Variants in PDE8B observed in about 807,000 individuals in gnomAD.
PDE8B encodes high affinity cAMP-specific and IBMX-insensitive 3',5'-cyclic phosphodiesterase 8B.
Under a neutral mutation model 101.3 loss-of-function variants are expected in PDE8B, and 26 were observed. The ratio of observed to expected loss-of-function variants is 0.26; its 90% CI spans 0.19 to 0.36. The LOEUF is 0.36. PDE8B is among the 10% of genes least tolerant of loss of function. PDE8B has a pLI of 1.00. For missense variants in PDE8B, 810 were observed against 1,163.1 expected, an observed-to-expected ratio of 0.70 and a Z score of 4.42; for synonymous variants, 424 against 429.3, an observed-to-expected ratio of 0.99 and a Z score of 0.15.
chr5:77,111,882 A>C, the PDE8B span: 2 of 152,020 alleles, frequency 1.3e-5, no homozygotes, highest in African/African-American at 4.8e-5. Flanking sequence ...CTAATAGGCT[A>C]TTTCTCTTTT....
intron 1 of PDE8B, chr5:77,291,513 G>A (rs1489607162): frequency 6.2e-7 from 1 of 1,607,788 alleles, no homozygotes; most frequent in African/African-American, 1.3e-5. Flanking sequence ...TGAAGAAGAG[G>A]TCTTTGCATG....
intron 10 of PDE8B, among the ~76,000 whole-genome samples, chr5:77,370,497 T>C (rs1223441617): frequency 6.6e-6 from 1 of 152,234 alleles, no homozygotes; most frequent in Non-Finnish European, 1.5e-5. Context: ...ATTTGGTTGC[T>C]TTTTACTGCT....
At chr5:77,297,838 G>A (rs1295709740) in intron 1 of PDE8B, among the ~76,000 whole-genome samples, 1 of 152,070 alleles carries the variant, frequency 6.6e-6, no homozygotes, top group Non-Finnish European at 1.5e-5. Context: ...GTCTTCACTT[G>A]GCTCATTCTC....
At chr5:77,283,698 A>G (rs1265239264) in intron 1 of PDE8B, among the ~76,000 whole-genome samples, 1 of 152,156 alleles carries the variant, frequency 6.6e-6, no homozygotes, top group Non-Finnish European at 1.5e-5. Flanking sequence ...GTAATATTCC[A>G]TCATTAGAAT....
chr5:77,395,414 C>T (rs1790841621), intron 10 of PDE8B, among the ~76,000 whole-genome samples: 2 of 145,816 alleles, frequency 1.4e-5, no homozygotes. Context: ...CGCGCCCGAC[C>T]TTCAGTTTCT....
intron 10 of PDE8B, among the ~76,000 whole-genome samples, chr5:77,372,394 T>C (rs2150691831): frequency 6.6e-6 from 1 of 152,346 alleles, no homozygotes; most frequent in African/African-American, 2.4e-5. Context: ...TTTTGGATAA[T>C]GTCTTCATCA....
At chr5:77,293,454 G>T (rs1767828655) in intron 1 of PDE8B, among the ~76,000 whole-genome samples, 1 of 152,120 alleles carries the variant, frequency 6.6e-6, no homozygotes, top group Non-Finnish European at 1.5e-5. Flanking sequence ...TTTAGTACTG[G>T]TTTTCCACCC....
chr5:77,414,630 C>A (rs1795176939), intron 17 of PDE8B, among the ~76,000 whole-genome samples: 1 of 150,856 alleles, frequency 6.6e-6, no homozygotes, highest in Admixed American at 6.6e-5. Context: ...CAGGGTTTCA[C>A]CATGTTGGCC....
At chr5:77,111,271 A>G in the PDE8B span, among the ~76,000 whole-genome samples, 1 of 152,198 alleles carries the variant, frequency 6.6e-6, no homozygotes, top group Non-Finnish European at 1.5e-5. Context: ...GATTATTCAC[A>G]AATTGAGGGA....
At chr5:77,205,993 A>G (rs1306592849), upstream of PDE8B, among the ~76,000 whole-genome samples, 2 of 152,180 alleles carry the variant, frequency 1.3e-5, no homozygotes, top group South Asian at 2.1e-4. Flanking sequence ...TTTCTGATGT[A>G]CATTACCAAA....
chr5:77,397,026 A>ATTTTTTTTTTTTTTTTTTTTTTTTTT lies in PDE8B; in HGVS notation c.1168-3198_1168-3197insTTTTTTTTTTTTTTTTTTTTTTTTTT, dbSNP rs71606290. Among the ~76,000 whole-genome samples, 133 of 84,378 alleles carry ATTTTTTTTTTTTTTTTTTTTTTTTTT rather than the reference A, an allele frequency of 1.6e-3. 9 individuals are homozygous for ATTTTTTTTTTTTTTTTTTTTTTTTTT. Among genetic ancestry groups the ATTTTTTTTTTTTTTTTTTTTTTTTTT allele is most frequent in the East Asian group, 3.4e-3 (8 of 2,382 alleles). The allele number at this position is 84,378 out of a possible 152,430, so 55.4% of individuals were successfully genotyped here. The stretch of plus-strand genomic sequence containing the variant: ...TTGGTTTCTATATTTCCGATAAGAA[A>ATTTTTTTTTTTTTTTTTTTTTTTTTT]TTTTTTTTTTTTTTTTTTTTTTTTG... On this transcript the variant is annotated intron_variant, in intron 10 of 21. Coordinates refer to ENST00000264917, the MANE Select transcript of PDE8B (RefSeq NM_003719.5).
chr5:77,404,288 A>ATT (rs552992391), intron 11 of PDE8B, among the ~76,000 whole-genome samples: 4 of 151,562 alleles, frequency 2.6e-5, no homozygotes, highest in Non-Finnish European at 5.9e-5. Context: ...GCCCAGCCTA[A>ATT]TTTTATGTAT....
chr5:77,397,026 ATTTTTTTTT>A (rs71606290), intron 10 of PDE8B, among the ~76,000 whole-genome samples: 2 of 84,402 alleles, frequency 2.4e-5, no homozygotes, highest in East Asian at 8.4e-4. Flanking sequence ...CCGATAAGAA[ATTTTTTTTT>A]TTTTTTTTTT....
chr5:77,346,356 C>T (rs1231580171), intron 7 of PDE8B, among the ~76,000 whole-genome samples: 1 of 152,146 alleles, frequency 6.6e-6, no homozygotes, highest in Non-Finnish European at 1.5e-5. Context: ...CTTGGACAAT[C>T]GATTCTATTC....
At chr5:77,275,003 G>A (rs1763557976) in intron 1 of PDE8B, among the ~76,000 whole-genome samples, 1 of 152,028 alleles carries the variant, frequency 6.6e-6, no homozygotes, top group Non-Finnish European at 1.5e-5. Flanking sequence ...TCAAGATACT[G>A]AGAAATGCAA....
At chr5:77,102,069 G>T in the PDE8B span, among the ~76,000 whole-genome samples, 1 of 152,272 alleles carries the variant, frequency 6.6e-6, no homozygotes, top group East Asian at 1.9e-4. Context: ...AGCCTATACT[G>T]TAGAAATTTG....
At chr5:77,256,953 A>T (rs1045531275) in intron 1 of PDE8B, among the ~76,000 whole-genome samples, 1 of 152,232 alleles carries the variant, frequency 6.6e-6, no homozygotes, top group Admixed American at 6.5e-5. Flanking sequence ...AGAATAATTT[A>T]TTAAATCCCT....
In PDE8B at chr5:77,407,457, G is replaced by A; in HGVS notation, c.1365G>A (p.Lys455=). The A allele has an allele frequency of 6.2e-7, 1 of 1,611,240 alleles. No homozygotes were observed. The highest frequency in any genetic ancestry group is 8.5e-7 in the Non-Finnish European group (1 of 1,177,666). ...TGACCATCGAGGCTCCCATCACAAA[G>A]GTGAGTGGCGGCTGCTGCCTGCACT... ...HSMTIEAPIT[K]VINIINAAQE... is the part of the protein sequence containing the mutation. The change falls in exon 13 of 22, where the codon AAG becomes AAA. Residue 455 remains lysine (K), a splice_region_variant and synonymous_variant. Transcript: ENST00000264917.
At chr5:77,260,936 A>T (rs971453906) in intron 1 of PDE8B, among the ~76,000 whole-genome samples, 2 of 152,080 alleles carry the variant, frequency 1.3e-5, no homozygotes, top group African/African-American at 4.8e-5. Context: ...CTGTTTCTTT[A>T]TCAGAAAAGT....
Sources: allele counts gnomAD v4.1 joint callset (sites outside exome capture counted in the v4.1 genomes callset), GRCh38; gene constraint gnomAD v4.1.1; transcripts MANE v1.5; gene names NCBI Gene and HGNC (gene_info 2026-07-23, HGNC 2026-07-21).